Variants in OR6C74 observed in about 807,000 individuals in gnomAD.
The protein encoded by OR6C74 is olfactory receptor 6C74.
For missense variants in OR6C74, 361 were observed against 362.9 expected (o/e 0.99, Z 0.04); for synonymous variants, 142 against 134.2 (o/e 1.06, Z -0.40).
chr12:55,252,537 T>C lies in OR6C74; in HGVS notation c.*4311T>C, dbSNP rs1402094644. The stretch of plus-strand genomic sequence containing the variant: ...ATGATTATGTTTTCAAGTTTTCTAA[T>C]GAGTAGATGAGTATTTTTATATTTA... On this transcript the variant is annotated 3_prime_UTR_variant, in exon 2 of 2. Transcript: ENST00000343399. Among the ~76,000 whole-genome samples, 2 of 151,984 alleles carry C rather than the reference T, an allele frequency of 1.3e-5. No homozygotes were observed. The highest frequency in any genetic ancestry group is 2.9e-5 in the Non-Finnish European group (2 of 67,894).
In OR6C74 at chr12:55,247,440, G is replaced by A. The variant is rs779704807; in HGVS notation, c.153G>A (p.Leu51=). The part of the protein sequence containing the change: ...LTIITLTLLD[L]HLKTPMYFFL... Reference sequence around the variant, plus strand: ...TCATCACTCTCACCCTACTGGATTTGCATCTCAAGACACCCATGTATTTCT... The same window carrying A: ...TCATCACTCTCACCCTACTGGATTTACATCTCAAGACACCCATGTATTTCT... Residue 51 remains leucine, a synonymous_variant, in exon 2 of 2, where the codon TTG becomes TTA. Coordinates refer to ENST00000343399, the MANE Select transcript of OR6C74 (RefSeq NM_001005490.2). 4.3e-6 allele frequency: 7 copies of A among 1,613,688 alleles called. No individual in the cohort carries two copies. The South Asian group carries it at 7.7e-5, about 18-fold the overall frequency.
Position 55,249,555 on chromosome 12 carries a change from T to C in OR6C74, c.*1329T>C, listed in dbSNP as rs1954298838. 1.3e-5 allele frequency among the ~76,000 whole-genome samples: 2 copies of C among 152,034 alleles called. No individual in the cohort carries two copies. Among genetic ancestry groups the C allele is most frequent in the Admixed American group, 1.3e-4 (2 of 15,278 alleles). ...GCATTAGTGAGAAGCTTTAAATATA[T>C]ATATATCTAAATAAATATTAACAGG... On this transcript the variant is annotated 3_prime_UTR_variant, in exon 2 of 2. Coordinates refer to ENST00000343399, the MANE Select transcript of OR6C74 (RefSeq NM_001005490.2).
In OR6C74 at chr12:55,255,940, G is replaced by A. The variant is rs1324417432; in HGVS notation, c.*7714G>A. On this transcript the variant is annotated 3_prime_UTR_variant, in exon 2 of 2. Coordinates refer to ENST00000343399, the MANE Select transcript of OR6C74 (RefSeq NM_001005490.2). ...GGAAGCATAGGGAATCTTTGGTTAG[G>A]GTAGTAAAATTATTCTATATAGTAA... 6.6e-6 allele frequency among the ~76,000 whole-genome samples: 1 copy of A among 151,972 alleles called. No individual in the cohort carries two copies. Among genetic ancestry groups the A allele is most frequent in the African/African-American group, 2.4e-5 (1 of 41,368 alleles).
At chr12:55,246,392 C>T (rs1954270053) in intron 1 of OR6C74, among the ~76,000 whole-genome samples, 2 of 152,118 alleles carry the variant, frequency 1.3e-5, no homozygotes, top group Non-Finnish European at 2.9e-5. Context: ...CTTGCTCTGT[C>T]ATCCAGGCTG....
chr12:55,246,623 A>G (rs1954271747), intron 1 of OR6C74, among the ~76,000 whole-genome samples: 1 of 152,236 alleles, frequency 6.6e-6, no homozygotes. Context: ...TATCTGCTTG[A>G]GTAAATACAG....
In OR6C74 at chr12:55,248,260, A is replaced by G; in HGVS notation, c.*34A>G. 1 of 1,382,488 alleles carries G rather than the reference A, an allele frequency of 7.2e-7. No individual in the cohort carries two copies. Among genetic ancestry groups the G allele is most frequent in the Middle Eastern group, 1.9e-4 (1 of 5,308 alleles). 85.6% of individuals were successfully genotyped at this position (1,382,488 alleles called of 1,614,324 possible). Reference sequence around the variant, plus strand: ...AACGATATTATTAAGGTTATTAGTAAAATAAAACAAGAAGAGTGGAGTATG... The same window carrying G: ...AACGATATTATTAAGGTTATTAGTAGAATAAAACAAGAAGAGTGGAGTATG... On this transcript the variant is annotated 3_prime_UTR_variant, in exon 2 of 2. Coordinates refer to ENST00000343399, the MANE Select transcript of OR6C74 (RefSeq NM_001005490.2).
rs1186196785 is a variant in OR6C74 at position 55,249,866 on chromosome 12, A to G, written c.*1640A>G. Among the ~76,000 whole-genome samples, 2 of 151,932 alleles carry G rather than the reference A, an allele frequency of 1.3e-5. No homozygotes were observed. Among genetic ancestry groups the G allele is most frequent in the Admixed American group, 1.3e-4 (2 of 15,240 alleles). ...GGTGTGCTGCACCCATTAACTTGTCATTTACATTAGGTATATCTCCTAATG... is the reference window on the plus strand; with the variant it reads ...GGTGTGCTGCACCCATTAACTTGTCGTTTACATTAGGTATATCTCCTAATG... On this transcript the variant is annotated 3_prime_UTR_variant, in exon 2 of 2. Transcript: ENST00000343399.
rs532328946 is a variant in OR6C74 at position 55,255,249 on chromosome 12, A to G, written c.*7023A>G. On this transcript the variant is annotated 3_prime_UTR_variant, in exon 2 of 2. Coordinates refer to ENST00000343399, the MANE Select transcript of OR6C74 (RefSeq NM_001005490.2). ...GCTCTACCCATGGAGCCCCCTCTGC[A>G]TTGCACCCCCTGGGGACTGGGAGGC... 7.2e-5 allele frequency among the ~76,000 whole-genome samples: 11 copies of G among 152,162 alleles called. No homozygotes were observed. The highest frequency in any genetic ancestry group is 5.9e-4 in the Admixed American group (9 of 15,270).
rs1954342847 is a variant in OR6C74 at position 55,256,100 on chromosome 12, A to C, written c.*7874A>C. On this transcript the variant is annotated 3_prime_UTR_variant, in exon 2 of 2. Transcript: ENST00000343399. The stretch of plus-strand genomic sequence containing the variant: ...AAAGACAATGCCAGGTTGGACTGCC[A>C]GAATGAGCCAACAGCACATGATGTG... Among the ~76,000 whole-genome samples the C allele has an allele frequency of 6.6e-6, 1 of 152,170 alleles. No individual in the cohort carries two copies. Among genetic ancestry groups the C allele is most frequent in the Admixed American group, 6.5e-5 (1 of 15,270 alleles).
intron 1 of OR6C74, among the ~76,000 whole-genome samples, chr12:55,246,630 A>G (rs1051508909): frequency 6.6e-6 from 1 of 152,222 alleles, no homozygotes; most frequent in Admixed American, 6.5e-5. Context: ...TTGAGTAAAT[A>G]CAGAAAAGAG....
Position 55,247,713 on chromosome 12 carries a change from G to A in OR6C74, c.426G>A (p.Leu142=). 6.2e-7 allele frequency: 1 copy of A among 1,613,986 alleles called. No individual in the cohort carries two copies. Among genetic ancestry groups the A allele is most frequent in the South Asian group, 1.1e-5 (1 of 91,072 alleles). The stretch of plus-strand genomic sequence containing the variant: ...TGAGCAGCAGAGTTTGCAGCTTGCT[G>A]GTCTTTGCTTCATGGATGGCTGGCT... ...TIMSSRVCSL[L]VFASWMAGFL... The change falls in exon 2 of 2, where the codon CTG becomes CTA. Residue 142 remains leucine, a synonymous_variant. Transcript: ENST00000343399.
At position 55,249,687 on chromosome 12, in the gene OR6C74, A is replaced by G. The variant is rs1390122509; in HGVS notation, c.*1461A>G. The stretch of plus-strand genomic sequence containing the variant: ...CTTTAAGAACATTTTATTTGAAAAT[A>G]GAAAATAAATATCTAGGGAGTATTC... On this transcript the variant is annotated 3_prime_UTR_variant, in exon 2 of 2. Transcript: ENST00000343399. 6.6e-6 allele frequency among the ~76,000 whole-genome samples: 1 copy of G among 152,188 alleles called. No individual in the cohort carries two copies. Among genetic ancestry groups the G allele is most frequent in the Non-Finnish European group, 1.5e-5 (1 of 68,018 alleles).
At position 55,247,966 on chromosome 12, in the gene OR6C74, C is replaced by A. The variant is rs199782638; in HGVS notation, c.679C>A (p.Pro227Thr). ...TATTATCAGGACTATTCTGAAAATA[C>A]CTTCTTCTCAACAGAGAAAAAAAGC... ...TNIIRTILKI[P>T]SSQQRKKAFS... is the part of the protein sequence containing the mutation. Residue 227 changes from proline (P) to threonine (T), a missense_variant, in exon 2 of 2, where the codon CCT (proline) becomes ACT (threonine). Physicochemically the swap from Pro to Thr is conservative, Grantham distance 38. Coordinates refer to ENST00000343399, the MANE Select transcript of OR6C74 (RefSeq NM_001005490.2). 5 of 1,613,678 alleles carry A rather than the reference C, an allele frequency of 3.1e-6. No homozygotes were observed. The highest frequency in any genetic ancestry group is 4.2e-6 in the Non-Finnish European group (5 of 1,179,784).
In OR6C74 at chr12:55,256,217, C is replaced by T. The variant is rs1210799595; in HGVS notation, c.*7991C>T. On this transcript the variant is annotated 3_prime_UTR_variant, in exon 2 of 2. Transcript: ENST00000343399. ...GTCCCAGAAAAGCAGATGTTCATAG[C>T]TCTGGGAATGGAATGGGACCCTTGT... Among the ~76,000 whole-genome samples the T allele has an allele frequency of 2.0e-5, 3 of 151,978 alleles. No homozygotes were observed. Among genetic ancestry groups the T allele is most frequent in the African/African-American group, 2.4e-5 (1 of 41,384 alleles).
At chr12:55,245,933 A>G (rs1385089676) in intron 1 of OR6C74, among the ~76,000 whole-genome samples, 1 of 152,230 alleles carries the variant, frequency 6.6e-6, no homozygotes, top group Non-Finnish European at 1.5e-5. Context: ...GTACAAAAGA[A>G]AATGAAGAGA....
chr12:55,245,919 A>G (rs1954267621), intron 1 of OR6C74, among the ~76,000 whole-genome samples: 1 of 152,208 alleles, frequency 6.6e-6, no homozygotes, highest in African/African-American at 2.4e-5. Flanking sequence ...AAGGAAGGGG[A>G]AAAGTACAAA....
In OR6C74 at chr12:55,254,740, C is replaced by T. The variant is rs916620186; in HGVS notation, c.*6514C>T. ...ACATGCTTAGCACAGTGCTCTTTACCTTATACATCTACTTTGAGAAAGCTC... is the reference window on the plus strand; with the variant it reads ...ACATGCTTAGCACAGTGCTCTTTACTTTATACATCTACTTTGAGAAAGCTC... On this transcript the variant is annotated 3_prime_UTR_variant, in exon 2 of 2. Transcript: ENST00000343399. 6.6e-6 allele frequency among the ~76,000 whole-genome samples: 1 copy of T among 152,042 alleles called. No individual in the cohort carries two copies. The highest frequency in any genetic ancestry group is 2.4e-5 in the African/African-American group (1 of 41,402).
At position 55,253,147 on chromosome 12, in the gene OR6C74, T is replaced by G. The variant is rs1954321918; in HGVS notation, c.*4921T>G. On this transcript the variant is annotated 3_prime_UTR_variant, in exon 2 of 2. Coordinates refer to ENST00000343399, the MANE Select transcript of OR6C74 (RefSeq NM_001005490.2). Reference sequence around the variant, plus strand: ...GTTGTGCCAATAAATTCTTGTATTATCTATTAATCCATAAACATTCATTCC... The same window carrying G: ...GTTGTGCCAATAAATTCTTGTATTAGCTATTAATCCATAAACATTCATTCC... Among the ~76,000 whole-genome samples, 2 of 152,084 alleles carry G rather than the reference T, an allele frequency of 1.3e-5. No individual in the cohort carries two copies. The highest frequency in any genetic ancestry group is 1.5e-5 in the Non-Finnish European group (1 of 67,958).
In OR6C74 at chr12:55,249,985, T is replaced by C. The variant is rs1428121107; in HGVS notation, c.*1759T>C. On this transcript the variant is annotated 3_prime_UTR_variant, in exon 2 of 2. Transcript: ENST00000343399. ...GTGTTCTTATTGTTCAATTCCCACC[T>C]ATGAGTGACAACATGCGGTGTTTGG... Among the ~76,000 whole-genome samples the C allele has an allele frequency of 6.6e-6, 1 of 152,130 alleles. No homozygotes were observed. The highest frequency in any genetic ancestry group is 1.9e-4 in the East Asian group (1 of 5,186).
Sources: gnomAD v4.1 joint callset for allele counts (sites outside exome capture counted in the v4.1 genomes callset) on GRCh38, gnomAD v4.1.1 for gene constraint, MANE v1.5 for transcripts, NCBI Gene and HGNC (gene_info 2026-07-23, HGNC 2026-07-21) for gene names.